Variants in CARMIL3 observed in about 807,000 individuals in gnomAD.
CARMIL3 encodes the protein capping protein, Arp2/3 and myosin-I linker protein 3.
A neutral mutation model predicts 180.8 loss-of-function variants in CARMIL3; 88 were observed. The ratio of observed to expected loss-of-function variants is 0.49; its 90% CI spans 0.41 to 0.58. The LOEUF (loss-of-function observed/expected upper bound fraction) is 0.58. CARMIL3 is among the 20% of genes least tolerant of loss of function. CARMIL3 has a pLI of 0.00. For missense variants in CARMIL3, 1,548 were observed against 1,787.0 expected (o/e 0.87, Z 2.41); for synonymous variants, 696 against 714.5 (o/e 0.97, Z 0.41).
At chr14:24,069,309 G>T in intron 39 of CARMIL3, 62 bp downstream of exon 39, 4 of 1,613,104 alleles carry the variant, frequency 2.5e-6, no homozygotes, top group Middle Eastern at 1.7e-4. Flanking sequence ...GACACCCCCC[G>T]AAGCCCCAAC....
In CARMIL3 at chr14:24,055,059, C is replaced by T. The variant is rs1248636341; in HGVS notation, c.461-7C>T. ...CTCATGGAATCAGCCTATCTCCTGC[C>T]CCACAGGTGGCTTCTCTGAGACCTA... On this transcript the variant is annotated splice_region_variant and splice_polypyrimidine_tract_variant and intron_variant, in intron 6 of 39. Transcript: ENST00000342740. The T allele has an allele frequency of 6.2e-7, 1 of 1,612,988 alleles. No individual in the cohort carries two copies. Among genetic ancestry groups the T allele is most frequent in the Non-Finnish European group, 8.5e-7 (1 of 1,179,904 alleles).
rs1402955743 is a variant in CARMIL3 at position 24,062,750 on chromosome 14, A to T, written c.2610A>T (p.Pro870=). 1 of 1,613,386 alleles carries T rather than the reference A, an allele frequency of 6.2e-7. No individual in the cohort carries two copies. The highest frequency in any genetic ancestry group is 8.5e-7 in the Non-Finnish European group (1 of 1,179,616). ...LTQLRTLSDP[P]GCPGQGQDLS... ...AGCTAAGGACGCTGTCAGATCCACC[A>T]GGGTGCCCAGGCCAAGGGCAGGATC... Residue 870 remains proline (P), a synonymous_variant, in exon 29 of 40, where the codon CCA becomes CCT. Transcript: ENST00000342740.
chr14:24,065,787 AG>A, intron 34 of CARMIL3, 37 bp downstream of exon 34: 1 of 1,609,934 alleles, frequency 6.2e-7, no homozygotes, highest in Non-Finnish European at 8.5e-7. Context: ...GTGGGTCCTG[AG>A]GGTATCTGTC....
chr14:24,055,378 G>T (rs1448024012), intron 8 of CARMIL3, 68 bp downstream of exon 8: 1 of 1,566,902 alleles, frequency 6.4e-7, no homozygotes, highest in Non-Finnish European at 8.8e-7. Context: ...CCCTTCCCAG[G>T]AGTGCCCTTC....
At chr14:24,066,704 G>A (rs1243092165) in intron 36 of CARMIL3, 48 bp downstream of exon 36, 2 of 1,591,614 alleles carry the variant, frequency 1.3e-6, no homozygotes, top group South Asian at 1.1e-5. Context: ...CCCAGGGTGT[G>A]TCCAAAGAAA....
chr14:24,060,867 C>T, intron 25 of CARMIL3, 60 bp from the exon 26 acceptor site: 3 of 1,538,642 alleles, frequency 1.9e-6, no homozygotes, highest in Non-Finnish European at 2.6e-6. Context: ...AGCCCAGGGA[C>T]CCCAGAGACC....
chr14:24,054,433 G>T lies in CARMIL3; in HGVS notation c.284G>T (p.Arg95Leu). 4 of 1,614,120 alleles carry T rather than the reference G, an allele frequency of 2.5e-6. No individual in the cohort carries two copies. Among genetic ancestry groups the T allele is most frequent in the Non-Finnish European group, 3.4e-6 (4 of 1,180,024 alleles). ...VETERGMVSMRLPSAESVDQV... is the reference protein window; with the variant it reads ...VETERGMVSMLLPSAESVDQV... ...ACGGAGCGTGGCATGGTGAGCATGCGACTGCCATCAGCTGAAAGTGTGGAC... is the reference window on the plus strand; with the variant it reads ...ACGGAGCGTGGCATGGTGAGCATGCTACTGCCATCAGCTGAAAGTGTGGAC... The change falls in exon 5 of 40, where the codon CGA (arginine) becomes CTA (leucine). Residue 95 changes from arginine to leucine, a missense_variant. By Grantham distance (102) the Arg-to-Leu change is moderately radical (BLOSUM62 -2). Around this residue, in one of 4 missense-constraint regions of CARMIL3, gnomAD observed 578 missense variants for 666.5 expected, o/e 0.87. Coordinates refer to ENST00000342740, the MANE Select transcript of CARMIL3 (RefSeq NM_138360.4). This position sits in a 1 kb window ranked among gnomAD's most constrained non-coding sequence, Gnocchi z 5.1.
rs780154567 is a variant in CARMIL3, at chr14:24,062,467, C to T, written c.2481-13C>T. 1 of 1,613,014 alleles carries T rather than the reference C, an allele frequency of 6.2e-7. No homozygotes were observed. Among genetic ancestry groups the T allele is most frequent in the South Asian group, 1.1e-5 (1 of 91,070 alleles). ...GGTGCTAATGTTCTGAGTAGCCCCA[C>T]CTGTGCCCACAGTGAAGTGAAGCTC... On this transcript the variant is annotated splice_polypyrimidine_tract_variant and intron_variant, in intron 27 of 39. Coordinates refer to ENST00000342740, the MANE Select transcript of CARMIL3 (RefSeq NM_138360.4).
chr14:24,057,239 G>T lies in CARMIL3; in HGVS notation c.1135G>T (p.Asp379Tyr), dbSNP rs148593427. 3 of 1,613,694 alleles carry T rather than the reference G, an allele frequency of 1.9e-6. No individual in the cohort carries two copies. The highest frequency in any genetic ancestry group is 2.2e-5 in the South Asian group (2 of 90,924). Reference protein sequence around the residue: ...LDLSGTDCVIDLLLGALLHGC... With the variant: ...LDLSGTDCVIYLLLGALLHGC... ...CCTGTCAGGAACTGACTGCGTCATC[G>T]ACTTGGTGAGGAGTTGGTGATGGGA... Residue 379 changes from aspartate to tyrosine, a missense_variant, in exon 14 of 40, where the codon GAC becomes TAC. Around this residue, in one of 4 missense-constraint regions of CARMIL3, gnomAD observed 578 missense variants for 666.5 expected, o/e 0.87. Coordinates refer to ENST00000342740, the MANE Select transcript of CARMIL3 (RefSeq NM_138360.4).
intron 8 of CARMIL3, 31 bp from the exon 9 acceptor site, chr14:24,055,512 C>T (rs1278028208): frequency 6.2e-7 from 1 of 1,612,444 alleles, no homozygotes; most frequent in East Asian, 2.2e-5. Context: ...ACCTGCTCAC[C>T]ACTTTCCTGC....
intron 25 of CARMIL3, 38 bp downstream of exon 25, chr14:24,060,794 G>C (rs374353320): frequency 6.2e-7 from 1 of 1,603,556 alleles, no homozygotes; most frequent in Non-Finnish European, 8.5e-7. Flanking sequence ...CTGAAGTCTG[G>C]AGAACCCAAG....
Position 24,059,685 on chromosome 14 carries a change from CA to C in CARMIL3, c.1823del (p.Asn608IlefsTer27). Reference protein sequence around the residue: ...SLRTILWDRNNTSALGFLDIA... With the variant: ...SLRTILWDRNXTSALGFLDIA... ...CCAGAACTATCCTATGGGATCGGAA[CA>C]ATACATCTGCCCTGGGCTTCCTGGA... On this transcript the variant is annotated frameshift_variant, in exon 22 of 40. Transcript: ENST00000342740. LOFTEE classifies it high-confidence loss of function. The surrounding 1 kb of genome is among the most constrained non-coding windows in gnomAD (Gnocchi z 6.3). 1 of 1,614,078 alleles carries C rather than the reference CA, an allele frequency of 6.2e-7. No homozygotes were observed. The highest frequency in any genetic ancestry group is 8.5e-7 in the Non-Finnish European group (1 of 1,180,006).
chr14:24,060,399 G>GGACAT, intron 24 of CARMIL3, 144 bp downstream of exon 24: 1 of 1,107,866 alleles, frequency 9.0e-7, no homozygotes, highest in Non-Finnish European at 1.3e-6. Flanking sequence ...CAAAAAGAGA[G>GGACAT]GACATGCAGG....
chr14:24,065,285 AG>A lies in CARMIL3; in HGVS notation c.3396+17del. 1 of 1,517,582 alleles carries A rather than the reference AG, an allele frequency of 6.6e-7. No homozygotes were observed. The highest frequency in any genetic ancestry group is 8.8e-7 in the Non-Finnish European group (1 of 1,140,802). 94.0% of individuals were successfully genotyped at this position (1,517,582 alleles called of 1,614,324 possible). On this transcript the variant is annotated intron_variant, in intron 33 of 39. Coordinates refer to ENST00000342740, the MANE Select transcript of CARMIL3 (RefSeq NM_138360.4). The stretch of plus-strand genomic sequence containing the variant: ...TCCGCCGGAAGATGGTAAGTGAGGC[AG>A]GGGGTGCTGTGTCTTCCCCTTTTCC...
rs766283215 is a variant in CARMIL3, at chr14:24,057,008, C to T, written c.1046C>T (p.Ala349Val). ...CTGAGCAAGAATCCTGGGCTCCTCG[C>T]CACGGATGAGGCCAATGTGAGTCCT... is the stretch of plus-strand genomic sequence containing the variant. ...LDLSKNPGLL[A>V]TDEANALYSF... is the part of the protein sequence containing the mutation. The change falls in exon 13 of 40, where the codon GCC becomes GTC. Residue 349 changes from alanine to valine, a missense_variant. Transcript: ENST00000342740. 1.9e-5 allele frequency: 30 copies of T among 1,613,412 alleles called. No homozygotes were observed. The highest frequency in any genetic ancestry group is 2.7e-5 in the African/African-American group (2 of 74,930).
At chr14:24,066,344 T>C in intron 34 of CARMIL3, 54 bp from the exon 35 acceptor site, 7 of 1,591,816 alleles carry the variant, frequency 4.4e-6, no homozygotes, top group Non-Finnish European at 6.0e-6. Flanking sequence ...CTTTGTCAGC[T>C]GCAGTCCTGC....
chr14:24,055,508 T>C, intron 8 of CARMIL3, 35 bp from the exon 9 acceptor site: 2 of 1,611,320 alleles, frequency 1.2e-6, no homozygotes, highest in Non-Finnish European at 8.5e-7. Context: ...AACCACCTGC[T>C]CACCACTTTC....
rs762363487 is a variant in CARMIL3 at position 24,059,724 on chromosome 14, C to A, written c.1860C>A (p.Ala620=). 6.2e-7 allele frequency: 1 copy of A among 1,614,074 alleles called. No individual in the cohort carries two copies. The highest frequency in any genetic ancestry group is 8.5e-7 in the Non-Finnish European group (1 of 1,179,992). Reference sequence around the variant, plus strand: ...TGGGCTTCCTGGACATCGCAAGGGCCCTGGAGAGGTGAGTAGACCATGGTC... The same window carrying A: ...TGGGCTTCCTGGACATCGCAAGGGCACTGGAGAGGTGAGTAGACCATGGTC... ...SALGFLDIAR[A]LESNHTLRFM... The change falls in exon 22 of 40, where the codon GCC becomes GCA. Residue 620 remains alanine, a synonymous_variant. Transcript: ENST00000342740. The surrounding 1 kb of genome is among the most constrained non-coding windows in gnomAD (Gnocchi z 6.3).
Position 24,054,869 on chromosome 14 carries a change from C to A in CARMIL3, c.460+61C>A. On this transcript the variant is annotated intron_variant, in intron 6 of 39. Coordinates refer to ENST00000342740, the MANE Select transcript of CARMIL3 (RefSeq NM_138360.4). The surrounding 1 kb of genome is among the most constrained non-coding windows in gnomAD (Gnocchi z 5.1). ...CACCATCTTGCCCCATGATCAGAGCCCTTTGTGCACAGGGTGTTGCCTGGG... is the reference window on the plus strand; with the variant it reads ...CACCATCTTGCCCCATGATCAGAGCACTTTGTGCACAGGGTGTTGCCTGGG... 1.3e-6 allele frequency: 2 copies of A among 1,539,660 alleles called. No individual in the cohort carries two copies. Among genetic ancestry groups the A allele is most frequent in the Non-Finnish European group, 1.8e-6 (2 of 1,118,548 alleles).
Sources: allele counts gnomAD v4.1 joint callset, GRCh38; gene constraint gnomAD v4.1.1; regional missense constraint gnomAD v4.1.1; non-coding constraint Gnocchi (gnomAD v3.1); transcripts MANE v1.5; gene names NCBI Gene and HGNC (gene_info 2026-07-23, HGNC 2026-07-21).